Variants in TMPRSS9 observed in about 807,000 individuals in gnomAD.
TMPRSS9 encodes transmembrane serine protease 9.
In TMPRSS9, 113 loss-of-function variants were observed where a neutral mutation model predicts 111.4. The observed-to-expected ratio is 1.01, with a 90% confidence interval of 0.87 to 1.19. TMPRSS9 has a LOEUF of 1.19. TMPRSS9 is among the 50% of genes most tolerant of loss of function. The pLI, the probability that TMPRSS9 is intolerant of heterozygous loss-of-function variation, is 0.00. For missense variants in TMPRSS9, 1,803 were observed against 1,513.1 expected (o/e 1.19, Z -3.18); for synonymous variants, 805 against 659.1 (o/e 1.22, Z -3.39).
In TMPRSS9 at chr19:2,390,456, G is replaced by A. The variant is rs796162469; in HGVS notation, c.142+529G>A. Among the ~76,000 whole-genome samples the A allele has an allele frequency of 6.2e-4, 93 of 148,958 alleles. 1 individual carries two copies. Among genetic ancestry groups the A allele is most frequent in the African/African-American group, 2.1e-3 (87 of 41,208 alleles). On this transcript the variant is annotated intron_variant, in intron 1 of 17. Coordinates refer to ENST00000648592, the Ensembl canonical transcript of TMPRSS9. ...GACGGGGTTTCACCGTGTTAGCCAG[G>A]ATGGTCTCGATCTCCTGACCTCATG...
chr19:2,409,526 AG>A (rs1971051661), intron 8 of TMPRSS9, among the ~76,000 whole-genome samples: 1 of 151,844 alleles, frequency 6.6e-6, no homozygotes, highest in African/African-American at 2.4e-5. Flanking sequence ...GTGTAGTTCC[AG>A]GGGGTTGTCA....
intron 1 of TMPRSS9, among the ~76,000 whole-genome samples, chr19:2,367,026 T>G (rs1230098411): frequency 6.6e-6 from 1 of 151,998 alleles, no homozygotes; most frequent in African/African-American, 2.4e-5. Context: ...CCTGACAACA[T>G]GGCTGCTTGC....
chr19:2,387,086 G>C (rs1341159128), upstream of TMPRSS9, among the ~76,000 whole-genome samples: 1 of 152,146 alleles, frequency 6.6e-6, no homozygotes, highest in African/African-American at 2.4e-5. Flanking sequence ...GCCGGGTGCA[G>C]TGGCTCACGC....
intron 13 of TMPRSS9, among the ~76,000 whole-genome samples, chr19:2,420,811 G>A (rs982258269): frequency 2.6e-5 from 4 of 152,044 alleles, no homozygotes; most frequent in Non-Finnish European, 4.4e-5. Context: ...CTTTATATCT[G>A]ACAATAAAAA....
At chr19:2,389,404 C>G (rs1241373160), upstream of TMPRSS9, among the ~76,000 whole-genome samples, 43 of 116,616 alleles carry the variant, frequency 3.7e-4, no homozygotes, top group Non-Finnish European at 7.3e-4. Context: ...GAGTCTCGCT[C>G]TGTCACCCGG....
intron 1 of TMPRSS9, among the ~76,000 whole-genome samples, chr19:2,395,809 C>T (rs534739020): frequency 2.6e-5 from 4 of 152,252 alleles, no homozygotes; most frequent in Admixed American, 6.5e-5. Flanking sequence ...AGATAGAGAC[C>T]ATCCTGGCTA....
At chr19:2,385,203 A>AGCTCGCGGGGGCGGAGCTCGCG, upstream of TMPRSS9, among the ~76,000 whole-genome samples, 1 of 19,016 alleles carries the variant, frequency 5.3e-5, no homozygotes, top group South Asian at 2.6e-3. Flanking sequence ...GCGGGGCTCG[A>AGCTCGCGGGGGCGGAGCTCGCG]GGGGGCGGGG....
exon 16 of TMPRSS9, chr19:2,425,215 C>A (rs1971585284): frequency 1.3e-6 from 2 of 1,485,314 alleles, no homozygotes; most frequent in East Asian, 2.7e-5. Context: ...CGCCGCGACC[C>A]CCGGACGGCA....
In TMPRSS9 at chr19:2,424,258, G is replaced by A. The variant is rs1403442076; in HGVS notation, c.2717+1G>A. ...TGTCGGCGGCGCACTGCTTCGACGTGTGAGTTCCAAACGCTCCAAATGCCC... is the reference window on the plus strand; with the variant it reads ...TGTCGGCGGCGCACTGCTTCGACGTATGAGTTCCAAACGCTCCAAATGCCC... On this transcript the variant is annotated splice_donor_variant, in intron 15 of 17. Transcript: ENST00000648592. LOFTEE classifies it high-confidence loss of function. The A allele has an allele frequency of 7.3e-7, 1 of 1,372,914 alleles. No individual in the cohort carries two copies. Among genetic ancestry groups the A allele is most frequent in the South Asian group, 1.9e-5 (1 of 52,084 alleles). 85.0% of individuals were successfully genotyped at this position (1,372,914 alleles called of 1,614,324 possible).
intron 10 of TMPRSS9, among the ~76,000 whole-genome samples, chr19:2,415,176 C>T (rs1971198268): frequency 6.6e-6 from 1 of 151,998 alleles, no homozygotes; most frequent in Non-Finnish European, 1.5e-5. Context: ...AACTCCTGAC[C>T]TCAGGTGATC....
intron 1 of TMPRSS9, among the ~76,000 whole-genome samples, chr19:2,383,606 G>A (rs1184548292): frequency 7.0e-6 from 1 of 143,536 alleles, no homozygotes; most frequent in Non-Finnish European, 1.5e-5. Context: ...AAGGTGCTGG[G>A]ATTACAGGTG....
exon 14 of TMPRSS9, chr19:2,422,113 G>A: frequency 1.2e-6 from 2 of 1,602,050 alleles, no homozygotes; most frequent in East Asian, 2.2e-5. Context: ...ACACCCAGCA[G>A]ACCCACCCCT....
rs769432823 is a variant in TMPRSS9, at chr19:2,416,621, G to A, written c.1829G>A (p.Arg610Gln). The A allele has an allele frequency of 1.1e-4, 171 of 1,612,634 alleles. 3 individuals carry two copies. In the South Asian group the frequency reaches 1.6e-3, roughly 16 times the overall value. Residue 610 changes from arginine to glutamine, a missense_variant, in exon 12 of 18, where the codon CGG becomes CAG. Coordinates refer to ENST00000648592, the Ensembl canonical transcript of TMPRSS9. ...GGGAGCCCGGTGAAGATCGGGCTGC[G>A]GCGGGTAGTGCTGCACCCCCTCTAC... is the stretch of plus-strand genomic sequence containing the variant.
intron 15 of TMPRSS9, among the ~76,000 whole-genome samples, chr19:2,424,476 G>C (rs2145424089): frequency 6.6e-6 from 1 of 151,304 alleles, no homozygotes; most frequent in Non-Finnish European, 1.5e-5. Flanking sequence ...ACCACACGGG[G>C]CTGGGGCTGC....
rs374037539 is a variant in TMPRSS9 at position 2,421,834 on chromosome 19, G to C, written c.2155-20G>C. On this transcript the variant is annotated intron_variant, in intron 13 of 17. Coordinates refer to ENST00000648592, the Ensembl canonical transcript of TMPRSS9. ...GAGGGTCCCTGGAGGACCAACCAGT[G>C]CTCTTTCCTTCCTTTCTAGGGTGAC... 8 of 1,573,436 alleles carry C rather than the reference G, an allele frequency of 5.1e-6. No homozygotes were observed. Among genetic ancestry groups the C allele is most frequent in the Non-Finnish European group, 6.9e-6 (8 of 1,159,018 alleles).
chr19:2,388,060 T>A (rs1970513034), upstream of TMPRSS9, among the ~76,000 whole-genome samples: 2 of 152,134 alleles, frequency 1.3e-5, no homozygotes, highest in South Asian at 4.1e-4. Flanking sequence ...AGAAAAAGAG[T>A]CTGTGGTCAC....
intron 12 of TMPRSS9, among the ~76,000 whole-genome samples, chr19:2,417,046 G>A (rs905929260): frequency 6.6e-6 from 1 of 152,128 alleles, no homozygotes; most frequent in Non-Finnish European, 1.5e-5. Context: ...TTGGAACAGG[G>A]GCCATGTTCA....
chr19:2,371,172 C>T (rs572716439), intron 1 of TMPRSS9, among the ~76,000 whole-genome samples: 1 of 152,180 alleles, frequency 6.6e-6, no homozygotes, highest in African/African-American at 2.4e-5. Context: ...ACACGCTGGC[C>T]CTAAACCAAG....
At chr19:2,376,706 C>T (rs529959114) in intron 1 of TMPRSS9, among the ~76,000 whole-genome samples, 12 of 152,310 alleles carry the variant, frequency 7.9e-5, no homozygotes, top group African/African-American at 2.9e-4. Flanking sequence ...ATCCGCTCTC[C>T]TTGGCCTCCC....
Sources: allele counts gnomAD v4.1 joint callset (sites outside exome capture counted in the v4.1 genomes callset), GRCh38; gene constraint gnomAD v4.1.1; transcripts MANE v1.5; gene names NCBI Gene and HGNC (gene_info 2026-07-23, HGNC 2026-07-21).